The following CRPPA variants were observed in gnomAD, a reference collection of about 807,000 sequenced individuals.
The protein encoded by CRPPA is D-ribitol-5-phosphate cytidylyltransferase.
In CRPPA, 43 loss-of-function variants were observed where a neutral mutation model predicts 52.0. The observed-to-expected ratio is 0.83, with a 90% CI of 0.65 to 1.07. CRPPA has a LOEUF of 1.07. CRPPA is among the 50% of genes least tolerant of loss of function. The pLI, the probability that CRPPA is intolerant of heterozygous loss-of-function variation, is 0.00. For synonymous variants in CRPPA, 250 were observed against 203.5 expected (o/e 1.23, Z -1.94); for missense variants, 629 against 551.7 (o/e 1.14, Z -1.40).
Position 16,317,627 on chromosome 7 carries a change from A to T in CRPPA, c.685-9000T>A, listed in dbSNP as rs1307559174. On this transcript the variant is annotated intron_variant, in intron 3 of 9. Transcript: ENST00000407010. The stretch of plus-strand genomic sequence containing the variant: ...CTAAGTAACATTCCAGTGGGTGCAC[A>T]TGTGATCACATTCTATCTATTCATC... Among the ~76,000 whole-genome samples the T allele has an allele frequency of 2.0e-5, 3 of 152,172 alleles. No homozygotes were observed. In the South Asian group the frequency reaches 6.2e-4, roughly 31 times the overall value.
intron 3 of CRPPA, among the ~76,000 whole-genome samples, chr7:16,310,770 G>A (rs1252191368): frequency 6.6e-6 from 1 of 152,090 alleles, no homozygotes; most frequent in Admixed American, 6.6e-5. Flanking sequence ...GCTAAGGGGT[G>A]AAAGTATGCC....
chr7:16,206,176 T>A (rs1025510360), intron 9 of CRPPA, among the ~76,000 whole-genome samples: 5 of 152,090 alleles, frequency 3.3e-5, no homozygotes, highest in East Asian at 1.9e-4. Flanking sequence ...CAGAAGCATA[T>A]CCCCAGTGGA....
intron 2 of CRPPA, among the ~76,000 whole-genome samples, chr7:16,398,055 C>T (rs1380203451): frequency 6.6e-6 from 1 of 152,182 alleles, no homozygotes; most frequent in Non-Finnish European, 1.5e-5. Flanking sequence ...CACAGCTGAT[C>T]GAAATGACCA....
At chr7:16,338,407 C>T (rs1554333827) in intron 3 of CRPPA, among the ~76,000 whole-genome samples, 3 of 152,164 alleles carry the variant, frequency 2.0e-5, no homozygotes, top group South Asian at 4.1e-4. Context: ...CTATATATTA[C>T]AAGCCAATGG....
chr7:16,312,854 T>A (rs879674131), intron 3 of CRPPA, among the ~76,000 whole-genome samples: 4 of 151,996 alleles, frequency 2.6e-5, no homozygotes, highest in Admixed American at 6.6e-5. Flanking sequence ...TTTCTCTTTC[T>A]GCCTATTGAT....
chr7:16,276,959 C>G (rs1244405536), intron 6 of CRPPA: 2 of 152,168 alleles, frequency 1.3e-5, no homozygotes, highest in Non-Finnish European at 2.9e-5. Context: ...TGGGAACTAA[C>G]AGTCTGTACT....
At chr7:16,324,096 T>C (rs955585366) in intron 3 of CRPPA, among the ~76,000 whole-genome samples, 7 of 152,180 alleles carry the variant, frequency 4.6e-5, no homozygotes, top group Non-Finnish European at 8.8e-5. Context: ...ACACCTCTTA[T>C]TTGTCTTTAA....
At chr7:16,152,765 G>A (rs545488501) in intron 9 of CRPPA, among the ~76,000 whole-genome samples, 4 of 151,882 alleles carry the variant, frequency 2.6e-5, no homozygotes, top group South Asian at 2.1e-4. Context: ...TAGGCGGTTC[G>A]CAATGTAAAA....
At chr7:16,122,400 A>G (rs1782496763) in intron 9 of CRPPA, among the ~76,000 whole-genome samples, 1 of 152,032 alleles carries the variant, frequency 6.6e-6, no homozygotes, top group Admixed American at 6.6e-5. Flanking sequence ...ACCACTGAAT[A>G]CTAAACTTAG....
In CRPPA at chr7:16,399,864, ATGAC is replaced by A. The variant is rs545789234; in HGVS notation, c.534+6193_534+6196del. On this transcript the variant is annotated intron_variant, in intron 2 of 9. Coordinates refer to ENST00000407010, the MANE Select transcript of CRPPA (RefSeq NM_001101426.4). ...CACATGACAGACACCTGATTGACAC[ATGAC>A]TAACACGTGACATTGACTCATGATC... is the stretch of plus-strand genomic sequence containing the variant. Among the ~76,000 whole-genome samples the A allele has an allele frequency of 1.4e-3, 220 of 152,268 alleles. 2 individuals are homozygous for A. The highest frequency in any genetic ancestry group is 5.2e-3 in the African/African-American group (214 of 41,540).
chr7:16,166,697 C>G (rs1352581455), intron 9 of CRPPA, among the ~76,000 whole-genome samples: 1 of 152,184 alleles, frequency 6.6e-6, no homozygotes, highest in Non-Finnish European at 1.5e-5. Context: ...TTACCAGCTA[C>G]TGTGCCAAGT....
At chr7:16,355,864 C>T (rs1244300498) in intron 3 of CRPPA, among the ~76,000 whole-genome samples, 1 of 152,114 alleles carries the variant, frequency 6.6e-6, no homozygotes, top group Non-Finnish European at 1.5e-5. Flanking sequence ...GCTGATGGTT[C>T]TCATTCATTA....
intron 8 of CRPPA, among the ~76,000 whole-genome samples, chr7:16,227,621 G>A (rs921235118): frequency 2.0e-5 from 3 of 151,496 alleles, no homozygotes; most frequent in African/African-American, 4.8e-5. Context: ...CTGATATTAA[G>A]CCCTTATGAG....
Position 16,088,556 on chromosome 7 carries a change from T to C in CRPPA, c.*3139A>G, listed in dbSNP as rs56232398. 6.0e-3 allele frequency: 914 copies of C among 152,080 alleles called. 6 individuals are homozygous for C. The highest frequency in any genetic ancestry group is 9.4e-3 in the Non-Finnish European group (638 of 68,136). 9.4% of individuals were successfully genotyped at this position (152,080 alleles called of 1,614,324 possible). A position where few individuals can be genotyped will look rare whatever the true frequency, so the allele number is the denominator to read the frequency against. On this transcript the variant is annotated 3_prime_UTR_variant, in exon 10 of 10. Coordinates refer to ENST00000407010, the MANE Select transcript of CRPPA (RefSeq NM_001101426.4). Reference sequence around the variant, plus strand: ...CCTAAGCCTCCTGAGTAGCTGGGACTACAGGCGCCCGCCACGATGCCTGGC... The same window carrying C: ...CCTAAGCCTCCTGAGTAGCTGGGACCACAGGCGCCCGCCACGATGCCTGGC...
intron 9 of CRPPA, among the ~76,000 whole-genome samples, chr7:16,169,554 TG>T (rs1321604039): frequency 2.6e-5 from 4 of 152,222 alleles, no homozygotes; most frequent in Admixed American, 2.6e-4. Flanking sequence ...TGGACAAGAA[TG>T]TAGGCAGCTT....
chr7:16,099,862 T>C (rs952351122), intron 9 of CRPPA, among the ~76,000 whole-genome samples: 2 of 152,212 alleles, frequency 1.3e-5, no homozygotes, highest in African/African-American at 4.8e-5. Context: ...AATGTTTTGA[T>C]CCTACACAAC....
rs779705941 is a variant in CRPPA, at chr7:16,205,280, G to C, written c.1251+10786C>G. 1.1e-4 allele frequency among the ~76,000 whole-genome samples: 16 copies of C among 152,160 alleles called. 1 individual carries two copies. The highest frequency in any genetic ancestry group is 2.1e-4 in the Non-Finnish European group (14 of 68,028). On this transcript the variant is annotated intron_variant, in intron 9 of 9. Transcript: ENST00000407010. ...GATGTAACCCTGATTTACATGACTT[G>C]AGAAAGTTACTGGTGAAGAAAATCC...
intron 5 of CRPPA, among the ~76,000 whole-genome samples, chr7:16,298,165 A>G (rs2128422120): frequency 6.6e-6 from 1 of 152,322 alleles, no homozygotes; most frequent in East Asian, 1.9e-4. Context: ...GCAAACAAGC[A>G]TTTGCAGCTG....
Position 16,229,654 on chromosome 7 carries a change from A to C in CRPPA, c.1120-13457T>G, listed in dbSNP as rs1207453781. ...AGGTTTGCCTTTTTGCCTTCAAACTAGTGATAAAAATGATTTACACACAAC... is the reference window on the plus strand; with the variant it reads ...AGGTTTGCCTTTTTGCCTTCAAACTCGTGATAAAAATGATTTACACACAAC... On this transcript the variant is annotated intron_variant, in intron 8 of 9. Transcript: ENST00000407010. Among the ~76,000 whole-genome samples, 3 of 152,288 alleles carry C rather than the reference A, an allele frequency of 2.0e-5. No individual in the cohort carries two copies. The South Asian group carries it at 6.2e-4, about 32-fold the overall frequency.
Sources: allele counts gnomAD v4.1 joint callset (sites outside exome capture counted in the v4.1 genomes callset), GRCh38; gene constraint gnomAD v4.1.1; transcripts MANE v1.5; gene names NCBI Gene and HGNC (gene_info 2026-07-23, HGNC 2026-07-21).